The following NOS1 variants were observed in gnomAD, a reference collection of about 807,000 sequenced individuals.
The protein encoded by NOS1 is NOS type I.
Under a neutral mutation model 164.5 loss-of-function variants are expected in NOS1, and 51 were observed. That is an observed-to-expected ratio of 0.31 (90% CI 0.25 to 0.39). The LOEUF (loss-of-function observed/expected upper bound fraction) is 0.39. Ranked by LOEUF, NOS1 falls within the 10% of genes least tolerant of loss-of-function variation. The probability of loss-of-function intolerance (pLI) is 1.00; values close to 1 mark genes in which losing one functional copy is unlikely to be tolerated. For missense variants in NOS1, 1,362 were observed against 1,885.6 expected (o/e 0.72, Z 5.14); for synonymous variants, 719 against 745.8 (o/e 0.96, Z 0.59).
At chr12:117,247,609 C>A in intron 17 of NOS1, 87 bp from the exon 18 acceptor site, 1 of 1,201,218 alleles carries the variant, frequency 8.3e-7, no homozygotes, top group African/African-American at 1.6e-5. Context: ...CTGTGTCCCC[C>A]CAAATTTCAT....
rs1459310061 is a variant in NOS1 at position 117,215,256 on chromosome 12, C to T, written c.*53G>A. ...AGGGGGTCCCAGAGGAAAGGTTCAGCAGTGTCTGTCCGCGCTTACAAAACT... is the reference window on the plus strand; with the variant it reads ...AGGGGGTCCCAGAGGAAAGGTTCAGTAGTGTCTGTCCGCGCTTACAAAACT... On this transcript the variant is annotated 3_prime_UTR_variant, in exon 29 of 29. Transcript: ENST00000317775. The T allele has an allele frequency of 1.3e-6, 2 of 1,490,984 alleles. No homozygotes were observed. Among genetic ancestry groups the T allele is most frequent in the East Asian group, 2.4e-5 (1 of 41,024 alleles). The allele number at this position is 1,490,984 out of a possible 1,614,324, so 92.4% of individuals were successfully genotyped here.
chr12:117,345,712 G>C (rs188430918), intron 1 of NOS1, among the ~76,000 whole-genome samples: 2 of 152,188 alleles, frequency 1.3e-5, no homozygotes, highest in Non-Finnish European at 2.9e-5. Flanking sequence ...TTAACACTTA[G>C]GGCTGGGCTC....
In NOS1 at chr12:117,214,983, A is replaced by G. The variant is rs1471807557; in HGVS notation, c.*326T>C. On this transcript the variant is annotated 3_prime_UTR_variant, in exon 29 of 29. Transcript: ENST00000317775. ...TGCAGCCTTTCCAGGGGAACCCCAG[A>G]GAAAAAAACCCCCACAGCGACGGCC... 4 of 1,108,892 alleles carry G rather than the reference A, an allele frequency of 3.6e-6. No homozygotes were observed. The highest frequency in any genetic ancestry group is 5.1e-5 in the Admixed American group (1 of 19,714). 68.7% of individuals were successfully genotyped at this position (1,108,892 alleles called of 1,614,324 possible).
Position 117,285,333 on chromosome 12 carries a change from C to T in NOS1, c.1291-1G>A. The T allele has an allele frequency of 6.2e-7, 1 of 1,605,244 alleles. No homozygotes were observed. The highest frequency in any genetic ancestry group is 8.5e-7 in the Non-Finnish European group (1 of 1,173,944). On this transcript the variant is annotated splice_acceptor_variant, in intron 6 of 28. Transcript: ENST00000317775. LOFTEE classifies it high-confidence loss of function. ...TGGTGCAGTCACGGGCATCGAATAC[C>T]TGGAAGAGGCACAGGGCGGAACTGA...
At chr12:117,297,916 T>C (rs531409110) in intron 3 of NOS1, among the ~76,000 whole-genome samples, 199 of 152,092 alleles carry the variant, frequency 1.3e-3, no homozygotes, top group African/African-American at 4.1e-3. Flanking sequence ...GGCAGGCGCC[T>C]CCAAGACATA....
chr12:117,236,448 G>A lies in NOS1; in HGVS notation c.3042-1690C>T, dbSNP rs561656901. Among the ~76,000 whole-genome samples the A allele has an allele frequency of 5.9e-5, 9 of 152,216 alleles. No homozygotes were observed. The South Asian group carries it at 6.2e-4, about 11-fold the overall frequency. On this transcript the variant is annotated intron_variant, in intron 20 of 28. Transcript: ENST00000317775. ...TATTTTCTTGAAGCAAGGCATCCCC[G>A]CCCTTAGCATAGTGGGGAACTTAGC...
In NOS1 at chr12:117,300,349, G is replaced by C. The variant is rs551157713; in HGVS notation, c.853-9923C>G. Among the ~76,000 whole-genome samples the C allele has an allele frequency of 2.6e-4, 39 of 152,294 alleles. No homozygotes were observed. The South Asian group carries it at 7.7e-3, about 30-fold the overall frequency. On this transcript the variant is annotated intron_variant, in intron 3 of 28. Transcript: ENST00000317775. ...GACAACAGTTGGGACAGCCTGCATT[G>C]AATATACTCACTCTTAAAACAAACA...
rs978296746 is a variant in NOS1, at chr12:117,215,991, T to G, written c.4290-667A>C. On this transcript the variant is annotated intron_variant, in intron 28 of 28. Transcript: ENST00000317775. ...CTCCTAGGTTCAAGCGATTCCTGTGTCTCAGCCTCCTGAGTAGCTGGGATT... is the reference window on the plus strand; with the variant it reads ...CTCCTAGGTTCAAGCGATTCCTGTGGCTCAGCCTCCTGAGTAGCTGGGATT... Among the ~76,000 whole-genome samples, 18 of 150,096 alleles carry G rather than the reference T, an allele frequency of 1.2e-4. 2 individuals are homozygous for G. Among genetic ancestry groups the G allele is most frequent in the Non-Finnish European group, 3.0e-5 (2 of 67,682 alleles).
chr12:117,350,290 G>T (rs1472790745), intron 1 of NOS1, among the ~76,000 whole-genome samples: 1 of 152,190 alleles, frequency 6.6e-6, no homozygotes, highest in Non-Finnish European at 1.5e-5. Flanking sequence ...ATGGGACGAT[G>T]TGTGACGTGC....
At chr12:117,284,323 G>C (rs1189164185) in intron 7 of NOS1, among the ~76,000 whole-genome samples, 1 of 152,188 alleles carries the variant, frequency 6.6e-6, no homozygotes. Context: ...GGCCCCAGCT[G>C]TTCATTTCCA....
At chr12:117,280,233 A>G (rs9658367) in intron 8 of NOS1, among the ~76,000 whole-genome samples, 1,893 of 152,338 alleles carry the variant, frequency 0.012, 45 homozygotes, top group African/African-American at 0.044. Flanking sequence ...TGCTGGTGAC[A>G]GACAAAGTCA....
At chr12:117,217,302 T>A (rs1424788211) in intron 28 of NOS1, among the ~76,000 whole-genome samples, 3 of 152,162 alleles carry the variant, frequency 2.0e-5, no homozygotes, top group African/African-American at 4.8e-5. Flanking sequence ...CTCCCCACTT[T>A]CCTAAATGAG....
chr12:117,286,358 T>C (rs1045450846), intron 5 of NOS1, 92 bp from the exon 6 acceptor site: 95 of 1,382,566 alleles, frequency 6.9e-5, no homozygotes, highest in Non-Finnish European at 9.1e-5. Flanking sequence ...GGCTGGAAGC[T>C]ACAAAAAATT....
chr12:117,275,939 A>G (rs187170397), intron 9 of NOS1, among the ~76,000 whole-genome samples: 56 of 152,210 alleles, frequency 3.7e-4, no homozygotes, highest in Admixed American at 2.0e-3. Context: ...CAAAGGGCAA[A>G]TGCTGTTTGT....
At position 117,210,918 on chromosome 12, in the gene NOS1, C is replaced by T; in HGVS notation, c.*4391G>A. On this transcript the variant is annotated 3_prime_UTR_variant, in exon 29 of 29. Coordinates refer to ENST00000317775, the MANE Select transcript of NOS1 (RefSeq NM_000620.5). ...CCCTGAGCCTGCTCTTCAGAGACCT[C>T]TCTCTCAGCTAGGGGCAAGATGTTT... 4 of 984,916 alleles carry T rather than the reference C, an allele frequency of 4.1e-6. No individual in the cohort carries two copies. The highest frequency in any genetic ancestry group is 1.7e-5 in the African/African-American group (1 of 57,304). 61.0% of individuals were successfully genotyped at this position (984,916 alleles called of 1,614,324 possible).
intron 3 of NOS1, among the ~76,000 whole-genome samples, chr12:117,308,119 G>A (rs958262235): frequency 1.3e-5 from 2 of 152,026 alleles, no homozygotes; most frequent in East Asian, 3.8e-4. Context: ...TTAATAAGAG[G>A]GAGACAATAG....
intron 3 of NOS1, among the ~76,000 whole-genome samples, chr12:117,306,550 C>T (rs1874155843): frequency 6.6e-6 from 1 of 151,888 alleles, no homozygotes; most frequent in African/African-American, 2.4e-5. Flanking sequence ...GTTGTGAGCA[C>T]CAAAGACAAC....
chr12:117,236,465 G>C (rs550600789), intron 20 of NOS1, among the ~76,000 whole-genome samples: 1 of 152,282 alleles, frequency 6.6e-6, no homozygotes, highest in South Asian at 2.1e-4. Flanking sequence ...GCATAGTGGG[G>C]AACTTAGCGA....
chr12:117,316,211 G>A (rs1480331029), intron 2 of NOS1, among the ~76,000 whole-genome samples: 2 of 152,150 alleles, frequency 1.3e-5, no homozygotes, highest in South Asian at 2.1e-4. Flanking sequence ...GAAGGCACAC[G>A]TGGCTCCAAC....
Sources: gnomAD v4.1 joint callset for allele counts (sites outside exome capture counted in the v4.1 genomes callset) on GRCh38, gnomAD v4.1.1 for gene constraint, MANE v1.5 for transcripts, NCBI Gene and HGNC (gene_info 2026-07-23, HGNC 2026-07-21) for gene names.